PKD2: variants seen among roughly 807,000 people sequenced by gnomAD.
PKD2 encodes the protein polycystin-2.
Under a neutral mutation model 105.9 loss-of-function variants are expected in PKD2, and 48 were observed. The ratio of observed to expected loss-of-function variants is 0.45; its 90% CI spans 0.36 to 0.58. The LOEUF is 0.58. Among genes scored for constraint, PKD2 ranks in the 20% least tolerant of loss-of-function variants. The pLI is 0.00. For missense variants in PKD2, 1,078 were observed against 1,255.3 expected, an observed-to-expected ratio of 0.86 and a Z score of 2.13; for synonymous variants, 464 against 481.1, an observed-to-expected ratio of 0.96 and a Z score of 0.46.
At chr4:88,044,249 TAAAA>T (rs1468341420) in intron 5 of PKD2, among the ~76,000 whole-genome samples, 5 of 152,130 alleles carry the variant, frequency 3.3e-5, no homozygotes, top group Admixed American at 6.5e-5. Context: ...TAGGTACTAT[TAAAA>T]AGAAAGAAAA....
intron 1 of PKD2, among the ~76,000 whole-genome samples, chr4:88,017,292 A>G (rs918837140): frequency 6.6e-6 from 1 of 152,082 alleles, no homozygotes; most frequent in African/African-American, 2.4e-5. Flanking sequence ...ATAAATTCAT[A>G]CATACATACA....
rs1721172803 is a variant in PKD2, at chr4:88,074,838, A to G, written c.2549A>G (p.Glu850Gly). ...QVLVRRVDRM[E>G]HSIGSIVSKI... is the part of the protein sequence containing the mutation. ...CTGGTGAGACGAGTGGACCGGATGGAGCATTCCATCGGCAGCATAGTGTCC... is the reference window on the plus strand; with the variant it reads ...CTGGTGAGACGAGTGGACCGGATGGGGCATTCCATCGGCAGCATAGTGTCC... Residue 850 changes from glutamate (E) to glycine (G), a missense_variant, in exon 14 of 15, where the codon GAG (glutamate) becomes GGG (glycine). By Grantham distance (98) the Glu-to-Gly change is moderately conservative. Around this residue, in one of 2 missense-constraint regions of PKD2, gnomAD observed 868 missense variants for 1,067.3 expected, o/e 0.81. Transcript: ENST00000237596. The G allele has an allele frequency of 6.2e-7, 1 of 1,614,072 alleles. No homozygotes were observed. The highest frequency in any genetic ancestry group is 8.5e-7 in the Non-Finnish European group (1 of 1,179,984).
intron 6 of PKD2, among the ~76,000 whole-genome samples, chr4:88,049,135 C>T (rs1316799391): frequency 6.6e-6 from 1 of 152,174 alleles, no homozygotes; most frequent in Admixed American, 6.5e-5. Context: ...TCATACACAC[C>T]TATCAGTGAA....
intron 5 of PKD2, 36 bp from the exon 6 acceptor site, chr4:88,046,606 G>A: frequency 8.5e-7 from 1 of 1,182,584 alleles, no homozygotes. Flanking sequence ...ATGTGTTGTT[G>A]TTGTTATTGT....
intron 6 of PKD2, among the ~76,000 whole-genome samples, chr4:88,048,752 A>G (rs1323977469): frequency 6.6e-6 from 1 of 152,212 alleles, no homozygotes; most frequent in Admixed American, 6.5e-5. Context: ...CATCACACAA[A>G]TCAAGGTAAA....
intron 5 of PKD2, 113 bp from the exon 6 acceptor site, chr4:88,046,529 T>G: frequency 2.7e-6 from 2 of 748,208 alleles, no homozygotes; most frequent in Admixed American, 1.8e-5. Flanking sequence ...GGGGGACTCA[T>G]GGTAGCAGTT....
At chr4:88,034,668 CA>C (rs61534136) in intron 2 of PKD2, among the ~76,000 whole-genome samples, 8,072 of 71,726 alleles carry the variant, frequency 0.11, 255 homozygotes, top group Non-Finnish European at 0.14. Context: ...AACTCCGTCT[CA>C]AAAAAAAAAA....
At chr4:88,051,856 A>G (rs1248607702) in intron 6 of PKD2, 135 bp from the exon 7 acceptor site, 13 of 604,994 alleles carry the variant, frequency 2.1e-5, no homozygotes, top group Non-Finnish European at 2.7e-5. Flanking sequence ...AGTGACTTTT[A>G]AGAATGACAT....
At chr4:88,052,609 G>T (rs1220453051) in intron 7 of PKD2, among the ~76,000 whole-genome samples, 1 of 152,122 alleles carries the variant, frequency 6.6e-6, no homozygotes, top group East Asian at 1.9e-4. Flanking sequence ...AGACTCATGT[G>T]ATCATTCCTC....
chr4:88,036,940 T>C (rs1037348926), intron 3 of PKD2, among the ~76,000 whole-genome samples: 1 of 152,350 alleles, frequency 6.6e-6, no homozygotes, highest in South Asian at 2.1e-4. Flanking sequence ...TTCAAAGGTC[T>C]GCTGTTGGTG....
Position 88,075,847 on chromosome 4 carries a change from A to G in PKD2, c.*153A>G, listed in dbSNP as rs1721216107. On this transcript the variant is annotated 3_prime_UTR_variant, in exon 15 of 15. Transcript: ENST00000237596. ...TTCTGCACTTTAATTTATTTTATAT[A>G]AACTTTACCCATGGTTCAAAGATTT... The G allele has an allele frequency of 2.8e-6, 2 of 710,876 alleles. No homozygotes were observed. The highest frequency in any genetic ancestry group is 2.1e-5 in the Admixed American group (1 of 47,278). 44.0% of individuals were successfully genotyped at this position (710,876 alleles called of 1,614,324 possible). A position where few individuals can be genotyped will look rare whatever the true frequency, so the allele number is the denominator to read the frequency against.
At chr4:88,031,096 C>G (rs771462404) in intron 2 of PKD2, among the ~76,000 whole-genome samples, 9 of 152,166 alleles carry the variant, frequency 5.9e-5, no homozygotes, top group Non-Finnish European at 1.0e-4. Flanking sequence ...CTACCATACT[C>G]TAAAGATAGA....
intron 4 of PKD2, among the ~76,000 whole-genome samples, chr4:88,042,046 A>C (rs2110110847): frequency 6.6e-6 from 1 of 152,288 alleles, no homozygotes; most frequent in South Asian, 2.1e-4. Flanking sequence ...TCAATCTGCC[A>C]TTCTTTATCT....
chr4:88,015,571 A>C (rs1398308218), intron 1 of PKD2, among the ~76,000 whole-genome samples: 1 of 151,940 alleles, frequency 6.6e-6, no homozygotes, highest in South Asian at 2.1e-4. Context: ...CGAGTAGCTC[A>C]CCACCACACC....
intron 4 of PKD2, among the ~76,000 whole-genome samples, chr4:88,043,024 C>G (rs1421755612): frequency 6.6e-6 from 1 of 152,156 alleles, no homozygotes; most frequent in Non-Finnish European, 1.5e-5. Context: ...CTACATTGAC[C>G]TCACTAAGCC....
chr4:88,053,466 G>A (rs570800870), intron 7 of PKD2, among the ~76,000 whole-genome samples: 1 of 152,168 alleles, frequency 6.6e-6, no homozygotes, highest in East Asian at 1.9e-4. Context: ...ATACCAGCCT[G>A]GGCAACATGG....
intron 9 of PKD2, among the ~76,000 whole-genome samples, chr4:88,058,575 G>A (rs1465679256): frequency 6.6e-6 from 1 of 152,112 alleles, no homozygotes; most frequent in East Asian, 1.9e-4. Context: ...GAACGGAAAA[G>A]CAAGCTAGAT....
chr4:88,052,228 C>A (rs893437481), intron 7 of PKD2, 70 bp downstream of exon 7: 12 of 965,302 alleles, frequency 1.2e-5, no homozygotes, highest in Middle Eastern at 3.1e-4. Flanking sequence ...TCCACAAAAT[C>A]ATGGAATACT....
chr4:88,032,606 C>G (rs1397989832), intron 2 of PKD2, among the ~76,000 whole-genome samples: 1 of 152,176 alleles, frequency 6.6e-6, no homozygotes, highest in African/African-American at 2.4e-5. Flanking sequence ...TTTTAGTACT[C>G]TTGTCTCCTT....
Sources: allele counts gnomAD v4.1 joint callset (sites outside exome capture counted in the v4.1 genomes callset), GRCh38; gene constraint gnomAD v4.1.1; regional missense constraint gnomAD v4.1.1; transcripts MANE v1.5; gene names NCBI Gene and HGNC (gene_info 2026-07-23, HGNC 2026-07-21).